Variants in MFSD12 observed in about 807,000 individuals in gnomAD.
MFSD12 encodes the protein major facilitator superfamily domain containing 12.
MFSD12 carries 67 observed loss-of-function variants against 51.2 expected under a neutral mutation model. That is an observed-to-expected ratio of 1.31 (90% confidence interval 1.08 to 1.60). The LOEUF (loss-of-function observed/expected upper bound fraction) is 1.60. MFSD12 is among the 40% of genes most tolerant of loss of function. The pLI, the probability that MFSD12 is intolerant of heterozygous loss-of-function variation, is 0.00. For synonymous variants in MFSD12, 441 were observed against 316.7 expected (o/e 1.39, Z -4.17); for missense variants, 921 against 673.0 (o/e 1.37, Z -4.08).
chr19:3,551,512 C>A lies in MFSD12; in HGVS notation c.299-318G>T, dbSNP rs116665738. ...GCAGCCTCCCCCAGCTCCTCCCCCT[C>A]GGCCACTATCAAGCCTCCCATAGGG... is the stretch of plus-strand genomic sequence containing the variant. On this transcript the variant is annotated intron_variant, in intron 1 of 9. Transcript: ENST00000355415. The surrounding 1 kb of genome is among the most constrained non-coding windows in gnomAD (Gnocchi z 4.6). Among the ~76,000 whole-genome samples the A allele has an allele frequency of 6.6e-6, 1 of 152,114 alleles. No individual in the cohort carries two copies. The highest frequency in any genetic ancestry group is 2.1e-4 in the South Asian group (1 of 4,834).
chr19:3,547,951 G>A lies in MFSD12; in HGVS notation c.734C>T (p.Pro245Leu), dbSNP rs200305972. Residue 245 changes from proline (P) to leucine (L), a missense_variant, in exon 4 of 10, where the codon CCG becomes CTG. Pro to Leu is a moderately conservative substitution (Grantham distance 98). Transcript: ENST00000355415. ...GTGCTCGCCTGGCTCCTCCGCATGC[G>A]GCCGGCGCCTCTCCCGGGTGCCCAG... ...FHLGTRERRR[P>L]HAEEPGEHTP... 9.1e-5 allele frequency: 145 copies of A among 1,594,636 alleles called. 1 individual carries two copies. The African/African-American group carries it at 1.1e-3, about 13-fold the overall frequency.
At position 3,550,592 on chromosome 19, in the gene MFSD12, G is replaced by A. The variant is rs1031101653; in HGVS notation, c.509+392C>T. Among the ~76,000 whole-genome samples the A allele has an allele frequency of 1.2e-4, 18 of 152,158 alleles. No individual in the cohort carries two copies. The East Asian group carries it at 2.1e-3, about 18-fold the overall frequency. On this transcript the variant is annotated intron_variant, in intron 2 of 9. Transcript: ENST00000355415. ...ATTTTTAGTAGAGACGAGGTTTCACGTGTTAGCGAGGATGGTCTCGATCTC... is the reference window on the plus strand; with the variant it reads ...ATTTTTAGTAGAGACGAGGTTTCACATGTTAGCGAGGATGGTCTCGATCTC...
At chr19:3,554,420 G>C (rs1294467861) in intron 1 of MFSD12, among the ~76,000 whole-genome samples, 1 of 147,962 alleles carries the variant, frequency 6.8e-6, no homozygotes, top group African/African-American at 2.5e-5. Context: ...CTGAGCGACA[G>C]AGTGAGACTC....
At chr19:3,543,397 C>T, downstream of MFSD12, 2 of 1,549,002 alleles carry the variant, frequency 1.3e-6, no homozygotes, top group Non-Finnish European at 1.7e-6. Context: ...TGCCACGGGC[C>T]CCGGCCAGCC....
chr19:3,544,978 ACCACCCCC>A (rs1045529072), intron 8 of MFSD12, 39 bp from the exon 9 acceptor site: 5 of 1,563,502 alleles, frequency 3.2e-6, no homozygotes, highest in African/African-American at 1.4e-5. Context: ...CACCGCGGGT[ACCACCCCC>A]CCGCCACCCA....
chr19:3,546,352 ACACCCAGTCCCTCCGCCAGCGC>A lies in MFSD12; in HGVS notation c.1075_1096del (p.Ala359TrpfsTer24). ...CAGCACAGCCGCTGCGTACACGGCC[ACACCCAGTCCCTCCGCCAGCGC>A]CACCCAGGCGGCAAAGGCCAGGATC... On this transcript the variant is annotated frameshift_variant, in exon 7 of 10. Coordinates refer to ENST00000355415, the MANE Select transcript of MFSD12 (RefSeq NM_174983.5). LOFTEE classifies it high-confidence loss of function. 2.5e-6 allele frequency: 4 copies of A among 1,608,062 alleles called. No homozygotes were observed. Among genetic ancestry groups the A allele is most frequent in the Non-Finnish European group, 3.4e-6 (4 of 1,178,092 alleles).
At position 3,546,486 on chromosome 19, in the gene MFSD12, A is replaced by C. The variant is rs2031066987; in HGVS notation, c.1024-61T>G. 9.8e-6 allele frequency: 15 copies of C among 1,524,600 alleles called. No individual in the cohort carries two copies. In the South Asian group the frequency reaches 1.9e-4, roughly 19 times the overall value. 94.4% of individuals were successfully genotyped at this position (1,524,600 alleles called of 1,614,324 possible). ...TGGGTGCCCCCAAGCCTGGCGCTTCAATCCGCCACCCCTACCCCCAACCCC... is the reference window on the plus strand; with the variant it reads ...TGGGTGCCCCCAAGCCTGGCGCTTCCATCCGCCACCCCTACCCCCAACCCC... On this transcript the variant is annotated intron_variant, in intron 6 of 9. Transcript: ENST00000355415.
At chr19:3,543,584 T>G, downstream of MFSD12, 2 of 1,526,468 alleles carry the variant, frequency 1.3e-6, no homozygotes, top group Non-Finnish European at 1.8e-6. Context: ...GGAGACCGCC[T>G]GGCATGACCC....
At position 3,547,620 on chromosome 19, in the gene MFSD12, G is replaced by A. The variant is rs933485058; in HGVS notation, c.838-73C>T. 2.8e-5 allele frequency: 40 copies of A among 1,406,748 alleles called. No homozygotes were observed. In the East Asian group the frequency reaches 3.0e-4, roughly 10 times the overall value. The allele number at this position is 1,406,748 out of a possible 1,614,324, so 87.1% of individuals were successfully genotyped here. ...TCCACTCCCACCAGCAGGGGGCACC[G>A]GGGCCAGGGTGGGCGCCCTGCAGCT... On this transcript the variant is annotated intron_variant, in intron 4 of 9. Transcript: ENST00000355415.
chr19:3,551,191 G>T lies in MFSD12; in HGVS notation c.302C>A (p.Thr101Asn). 1 of 1,602,792 alleles carries T rather than the reference G, an allele frequency of 6.2e-7. No homozygotes were observed. The highest frequency in any genetic ancestry group is 8.5e-7 in the Non-Finnish European group (1 of 1,174,674). The change falls in exon 2 of 10, where the codon ACC becomes AAC. Residue 101 changes from threonine (T) to asparagine (N), a missense_variant. Transcript: ENST00000355415. This position sits in a 1 kb window ranked among gnomAD's most constrained non-coding sequence, Gnocchi z 4.6. ...GPRKAWHLVGTVCVLLSFPFI... is the reference protein window; with the variant it reads ...GPRKAWHLVGNVCVLLSFPFI... ...GGGGAAGGACAGCAGGACGCAGACG[G>T]TGCCTGTGGAAGGCAGAGTGGTCAG...
chr19:3,543,358 C>T (rs913863233), downstream of MFSD12: 11 of 1,549,352 alleles, frequency 7.1e-6, no homozygotes, highest in Middle Eastern at 5.4e-4. Flanking sequence ...GCCTGACCAA[C>T]TCGGACGCCT....
At chr19:3,545,091 AC>A in intron 8 of MFSD12, 152 bp from the exon 9 acceptor site, 1 of 1,044,522 alleles carries the variant, frequency 9.6e-7, no homozygotes, top group Non-Finnish European at 1.3e-6. Flanking sequence ...CCTGTCCCAC[AC>A]CCAACAGCTC....
At chr19:3,546,584 G>A (rs962929957) in intron 6 of MFSD12, among the ~76,000 whole-genome samples, 159 bp from the exon 7 acceptor site, 2 of 152,272 alleles carry the variant, frequency 1.3e-5, no homozygotes, top group African/African-American at 2.4e-5. Context: ...CCGAGGCTCT[G>A]CAGATCCTCC....
chr19:3,547,063 C>T (rs2145193036), intron 6 of MFSD12, among the ~76,000 whole-genome samples: 1 of 152,344 alleles, frequency 6.6e-6, no homozygotes, highest in African/African-American at 2.4e-5. Flanking sequence ...TGGTCTCGAT[C>T]TCCTGACCTC....
Position 3,557,225 on chromosome 19 carries a change from A to G in MFSD12, c.179T>C (p.Leu60Pro), listed in dbSNP as rs1360786895. ...VRAYSSRGAG[L>P]LLLLGQVADG... is the part of the protein sequence containing the mutation. ...GGCCACCTGGCCCAGCAGCAGCAGC[A>G]GCCCCGCGCCGCGGGAGCTGTAGGC... The change falls in exon 1 of 10, where the codon CTG becomes CCG. Residue 60 changes from leucine to proline, a missense_variant. Coordinates refer to ENST00000355415, the MANE Select transcript of MFSD12 (RefSeq NM_174983.5). 4.0e-5 allele frequency: 63 copies of G among 1,588,176 alleles called. No homozygotes were observed. The highest frequency in any genetic ancestry group is 5.3e-5 in the Non-Finnish European group (62 of 1,169,572).
At position 3,551,569 on chromosome 19, in the gene MFSD12, G is replaced by A. The variant is rs933036240; in HGVS notation, c.299-375C>T. On this transcript the variant is annotated intron_variant, in intron 1 of 9. Coordinates refer to ENST00000355415, the MANE Select transcript of MFSD12 (RefSeq NM_174983.5). This position sits in a 1 kb window ranked among gnomAD's most constrained non-coding sequence, Gnocchi z 4.6. Reference sequence around the variant, plus strand: ...GGAGCGGGAGGCCCAGGTGGGCCTGGGCTGGACCCCTCCTTAAGCTCCGCC... The same window carrying A: ...GGAGCGGGAGGCCCAGGTGGGCCTGAGCTGGACCCCTCCTTAAGCTCCGCC... Among the ~76,000 whole-genome samples, 3 of 152,092 alleles carry A rather than the reference G, an allele frequency of 2.0e-5. No homozygotes were observed. Among genetic ancestry groups the A allele is most frequent in the African/African-American group, 4.8e-5 (2 of 41,432 alleles).
Position 3,544,860 on chromosome 19 carries a change from C to G in MFSD12, c.1369G>C (p.Ala457Pro), listed in dbSNP as rs766686590. ...AGGAGGCTACAGAGACACAGGGCAG[C>G]GGCCACGCCCACGCCGCCCGTCACA... is the stretch of plus-strand genomic sequence containing the variant. Reference protein sequence around the residue: ...VAVTGGVGVAAALCLCSLLLW... With the variant: ...VAVTGGVGVAPALCLCSLLLW... Residue 457 changes from alanine (A) to proline (P), a missense_variant, in exon 9 of 10, where the codon GCT becomes CCT. Coordinates refer to ENST00000355415, the MANE Select transcript of MFSD12 (RefSeq NM_174983.5). 2.7e-5 allele frequency: 43 copies of G among 1,611,566 alleles called. No homozygotes were observed. The highest frequency in any genetic ancestry group is 3.3e-5 in the Non-Finnish European group (39 of 1,179,582).
downstream of MFSD12, chr19:3,542,124 T>C (rs1266596274): frequency 5.1e-6 from 5 of 985,242 alleles, no homozygotes; most frequent in African/African-American, 1.7e-5. Context: ...TTGTGCTGTT[T>C]TAATTGTGTT....
chr19:3,540,298 G>C (rs139437063), downstream of MFSD12, among the ~76,000 whole-genome samples: 2 of 150,158 alleles, frequency 1.3e-5, no homozygotes, highest in South Asian at 2.1e-4. Context: ...CACTCTTGTC[G>C]CAAGACTGGA....
Sources: allele counts gnomAD v4.1 joint callset (sites outside exome capture counted in the v4.1 genomes callset), GRCh38; gene constraint gnomAD v4.1.1; non-coding constraint Gnocchi (gnomAD v3.1); transcripts MANE v1.5; gene names NCBI Gene and HGNC (gene_info 2026-07-23, HGNC 2026-07-21).